ADAM2: variants seen among roughly 807,000 people sequenced by gnomAD.
The protein encoded by ADAM2 is disintegrin and metalloproteinase domain-containing protein 2.
In ADAM2, 101 loss-of-function variants were observed where a neutral mutation model predicts 99.3. That is an observed-to-expected ratio of 1.02 (90% confidence interval 0.87 to 1.20). The LOEUF (loss-of-function observed/expected upper bound fraction) is 1.20. Ranked by LOEUF, ADAM2 falls within the 50% of genes most tolerant of loss-of-function variation. The pLI, the probability that ADAM2 is intolerant of heterozygous loss-of-function variation, is 0.00. For missense variants in ADAM2, 948 were observed against 878.7 expected (o/e 1.08, Z -1.00); for synonymous variants, 323 against 287.6 (o/e 1.12, Z -1.25).
At chr8:39,825,752 TC>T (rs1805374006) in intron 3 of ADAM2, among the ~76,000 whole-genome samples, 1 of 151,994 alleles carries the variant, frequency 6.6e-6, no homozygotes, top group African/African-American at 2.4e-5. Context: ...AGCTACTTCA[TC>T]AATAGAAAAG....
rs372587356 is a variant in ADAM2, at chr8:39,837,085, C to T, written c.132+51G>A. On this transcript the variant is annotated intron_variant, in intron 2 of 20. Transcript: ENST00000265708. ...AAATGGCAGATTAACTTCTTAGAAA[C>T]AAAATCTTTACATCATTTTAAATTT... The T allele has an allele frequency of 2.9e-4, 414 of 1,447,020 alleles. 1 individual carries two copies. Among genetic ancestry groups the T allele is most frequent in the Non-Finnish European group, 1.6e-4 (166 of 1,053,862 alleles). The allele number at this position is 1,447,020 out of a possible 1,614,324, so 89.6% of individuals were successfully genotyped here. A position where few individuals can be genotyped will look rare whatever the true frequency, so the allele number is the denominator to read the frequency against.
At chr8:39,801,150 G>A (rs1179180850) in intron 7 of ADAM2, among the ~76,000 whole-genome samples, 3 of 152,130 alleles carry the variant, frequency 2.0e-5, no homozygotes, top group African/African-American at 7.2e-5. Flanking sequence ...ATATTTGTGA[G>A]TTTGTCTAGT....
At chr8:39,777,208 T>A in intron 10 of ADAM2, 47 bp from the exon 11 acceptor site, 1 of 1,489,786 alleles carries the variant, frequency 6.7e-7, no homozygotes, top group Non-Finnish European at 9.2e-7. Context: ...TTATTTTGTT[T>A]ACTGGGAGAA....
chr8:39,826,952 C>T (rs1420783797), intron 3 of ADAM2, among the ~76,000 whole-genome samples: 1 of 151,582 alleles, frequency 6.6e-6, no homozygotes, highest in Non-Finnish European at 1.5e-5. Flanking sequence ...AACACCACCA[C>T]AAAGAGACAA....
At chr8:39,816,760 G>A (rs111507717) in intron 6 of ADAM2, among the ~76,000 whole-genome samples, 8 of 152,280 alleles carry the variant, frequency 5.3e-5, no homozygotes, top group Non-Finnish European at 8.8e-5. Flanking sequence ...GTAGTTTCCC[G>A]GGAAGACAGG....
intron 10 of ADAM2, among the ~76,000 whole-genome samples, chr8:39,779,874 T>C (rs1332984632): frequency 6.6e-6 from 1 of 152,188 alleles, no homozygotes; most frequent in African/African-American, 2.4e-5. Flanking sequence ...TCTAATTTTA[T>C]GTATCAACAT....
chr8:39,793,628 T>A (rs991831256), intron 7 of ADAM2, among the ~76,000 whole-genome samples: 2 of 152,094 alleles, frequency 1.3e-5, no homozygotes, highest in African/African-American at 4.8e-5. Context: ...GTCTTTTGCA[T>A]AAGAGTAGGT....
rs1226009107 is a variant in ADAM2, at chr8:39,792,242, G to T, written c.571-3502C>A. Among the ~76,000 whole-genome samples the T allele has an allele frequency of 1.3e-5, 2 of 151,734 alleles. 1 individual carries two copies. The highest frequency in any genetic ancestry group is 4.8e-5 in the African/African-American group (2 of 41,288). ...CTGTAAATATTTACAAAAAAAAATGGCAAAACCTTACTAAACATAATTTAG... is the reference window on the plus strand; with the variant it reads ...CTGTAAATATTTACAAAAAAAAATGTCAAAACCTTACTAAACATAATTTAG... On this transcript the variant is annotated intron_variant, in intron 7 of 20. Coordinates refer to ENST00000265708, the MANE Select transcript of ADAM2 (RefSeq NM_001464.5).
At chr8:39,821,744 T>A (rs1805197860) in intron 4 of ADAM2, 82 bp from the exon 5 acceptor site, 2 of 997,982 alleles carry the variant, frequency 2.0e-6, no homozygotes, top group Non-Finnish European at 3.0e-6. Context: ...CATATATGTG[T>A]TTTGTTTTTA....
At chr8:39,785,918 T>C (rs932557594) in intron 10 of ADAM2, among the ~76,000 whole-genome samples, 2 of 152,036 alleles carry the variant, frequency 1.3e-5, no homozygotes, top group African/African-American at 4.8e-5. Context: ...AGCCTAAGTG[T>C]CCGTAAATGG....
rs139419486 is a variant in ADAM2 at position 39,754,034 on chromosome 8, A to G, written c.1797+1694T>C. 6.8e-3 allele frequency among the ~76,000 whole-genome samples: 1,038 copies of G among 152,306 alleles called. 8 individuals carry two copies. Among genetic ancestry groups the G allele is most frequent in the African/African-American group, 0.023 (973 of 41,564 alleles). On this transcript the variant is annotated intron_variant, in intron 16 of 20. Coordinates refer to ENST00000265708, the MANE Select transcript of ADAM2 (RefSeq NM_001464.5). The stretch of plus-strand genomic sequence containing the variant: ...CATCCCAGGTCCTTTCTGAGCATGC[A>G]TCTTTCCTAAGCCTGTGTGTGGTTT...
chr8:39,813,150 C>A lies in ADAM2; in HGVS notation c.514-3684G>T, dbSNP rs1408464101. Among the ~76,000 whole-genome samples, 17 of 152,258 alleles carry A rather than the reference C, an allele frequency of 1.1e-4. No homozygotes were observed. The East Asian group carries it at 3.3e-3, about 29-fold the overall frequency. On this transcript the variant is annotated intron_variant, in intron 6 of 20. Transcript: ENST00000265708. ...TTCTCAAAAGAAGACGTTTATGCAG[C>A]CAACAGACAGATGAAAAAATGCTCA...
intron 10 of ADAM2, among the ~76,000 whole-genome samples, chr8:39,780,867 A>G (rs1248786499): frequency 6.6e-6 from 1 of 152,168 alleles, no homozygotes; most frequent in East Asian, 1.9e-4. Context: ...CTGTGATATT[A>G]CAAATGGGTT....
At chr8:39,786,555 T>C (rs1211437736) in intron 10 of ADAM2, among the ~76,000 whole-genome samples, 1 of 152,190 alleles carries the variant, frequency 6.6e-6, no homozygotes, top group Non-Finnish European at 1.5e-5. Flanking sequence ...CGTTATTCTT[T>C]ACTTATACCC....
At chr8:39,830,487 A>C (rs1805569509) in intron 3 of ADAM2, among the ~76,000 whole-genome samples, 1 of 152,176 alleles carries the variant, frequency 6.6e-6, no homozygotes, top group Non-Finnish European at 1.5e-5. Flanking sequence ...CCCCTTTGCC[A>C]AAAAATTTCC....
intron 3 of ADAM2, among the ~76,000 whole-genome samples, chr8:39,827,526 T>C (rs541496351): frequency 5.9e-5 from 9 of 152,242 alleles, no homozygotes; most frequent in Admixed American, 5.9e-4. Context: ...GCAGTATATA[T>C]GCACAATGGA....
chr8:39,745,605 G>T (rs915406296), intron 19 of ADAM2, among the ~76,000 whole-genome samples: 1 of 151,858 alleles, frequency 6.6e-6, no homozygotes, highest in Admixed American at 6.6e-5. Flanking sequence ...TATATTTTCT[G>T]TAGACTAGCT....
At chr8:39,800,879 C>T (rs1158662730) in intron 7 of ADAM2, among the ~76,000 whole-genome samples, 2 of 152,128 alleles carry the variant, frequency 1.3e-5, no homozygotes, top group Admixed American at 6.5e-5. Flanking sequence ...TCCATCAGAT[C>T]GTTTATGTTC....
At chr8:39,771,287 A>T (rs960713569) in intron 11 of ADAM2, among the ~76,000 whole-genome samples, 1 of 152,180 alleles carries the variant, frequency 6.6e-6, no homozygotes. Context: ...AGCACACTTT[A>T]AAAATACCGC....
Sources: allele counts gnomAD v4.1 joint callset (sites outside exome capture counted in the v4.1 genomes callset), GRCh38; gene constraint gnomAD v4.1.1; transcripts MANE v1.5; gene names NCBI Gene and HGNC (gene_info 2026-07-23, HGNC 2026-07-21).